ADARB2: variants seen among roughly 807,000 people sequenced by gnomAD.
ADARB2 encodes the protein adenosine deaminase RNA specific B2 (inactive).
In ADARB2, 25 loss-of-function variants were observed where a neutral mutation model predicts 62.2. The observed-to-expected ratio is 0.40, with a 90% CI of 0.29 to 0.56. The LOEUF is 0.56. Ranked by LOEUF, ADARB2 falls within the 20% of genes least tolerant of loss-of-function variation. The pLI is 0.43. For synonymous variants in ADARB2, 572 were observed against 500.8 expected, an observed-to-expected ratio of 1.14 and a Z score of -1.90; for missense variants, 1,071 against 1,077.4, an observed-to-expected ratio of 0.99 and a Z score of 0.08.
chr10:1,628,156 C>T (rs888919488), intron 1 of ADARB2, among the ~76,000 whole-genome samples: 13 of 152,210 alleles, frequency 8.5e-5, no homozygotes, highest in South Asian at 2.1e-4. Context: ...AGCAAACGGG[C>T]GGCGATGCAT....
At chr10:1,706,959 G>T (rs984608189) in intron 1 of ADARB2, among the ~76,000 whole-genome samples, 40 of 152,226 alleles carry the variant, frequency 2.6e-4, no homozygotes, top group Admixed American at 2.0e-3. Context: ...TTGGGCAAAG[G>T]GTTTCCCCGG....
At chr10:1,502,516 C>T (rs915621167) in intron 1 of ADARB2, among the ~76,000 whole-genome samples, 3 of 152,314 alleles carry the variant, frequency 2.0e-5, no homozygotes, top group South Asian at 2.1e-4. Context: ...ATCAGTGACA[C>T]GGCAACCCAT....
At chr10:1,687,304 C>A (rs533099093) in intron 1 of ADARB2, among the ~76,000 whole-genome samples, 77 of 152,300 alleles carry the variant, frequency 5.1e-4, no homozygotes, top group African/African-American at 1.8e-3. Context: ...GGGATTACAG[C>A]TGTGAGCCAC....
Position 1,363,156 on chromosome 10 carries a change from A to T in ADARB2, c.949T>A (p.Phe317Ile). 1 of 1,545,692 alleles carries T rather than the reference A, an allele frequency of 6.5e-7. No homozygotes were observed. Among genetic ancestry groups the T allele is most frequent in the Non-Finnish European group, 8.7e-7 (1 of 1,155,170 alleles). The stretch of plus-strand genomic sequence containing the variant: ...TTCTTGCTGCGCCCCGAGCCCTCGA[A>T]CGTCCTGCCGTCCACGCTCACGGCC... ...VMAVSVDGRTFEGSGRSKKLA... is the reference protein window; with the variant it reads ...VMAVSVDGRTIEGSGRSKKLA... The change falls in exon 3 of 10, where the codon TTC (phenylalanine) becomes ATC (isoleucine). Residue 317 changes from phenylalanine (F) to isoleucine (I), a missense_variant. Phe to Ile is a conservative substitution (Grantham distance 21, BLOSUM62 0). Transcript: ENST00000381312.
intron 1 of ADARB2, among the ~76,000 whole-genome samples, chr10:1,393,629 C>T (rs920309422): frequency 6.6e-5 from 10 of 152,312 alleles, no homozygotes; most frequent in South Asian, 4.2e-4. Context: ...GTTTTCACAG[C>T]GACTATGGTA....
At chr10:1,658,962 ACTGTGG>A (rs1352626069) in intron 1 of ADARB2, among the ~76,000 whole-genome samples, 1 of 152,206 alleles carries the variant, frequency 6.6e-6, no homozygotes. Flanking sequence ...TTTCCCAGAC[ACTGTGG>A]TTCTGTTCAA....
intron 6 of ADARB2, among the ~76,000 whole-genome samples, chr10:1,225,986 A>G (rs895340708): frequency 3.3e-5 from 5 of 152,054 alleles, no homozygotes; most frequent in African/African-American, 9.7e-5. Context: ...GTTCTCCTGG[A>G]TAATATCCTG....
At chr10:1,265,883 G>A (rs1329786838) in intron 4 of ADARB2, among the ~76,000 whole-genome samples, 1 of 111,934 alleles carries the variant, frequency 8.9e-6, no homozygotes, top group Admixed American at 8.2e-5. Context: ...CGGCCTGAGA[G>A]GGGGGCCCAG....
At chr10:1,319,975 C>T (rs1831781050) in intron 3 of ADARB2, among the ~76,000 whole-genome samples, 1 of 152,170 alleles carries the variant, frequency 6.6e-6, no homozygotes, top group Non-Finnish European at 1.5e-5. Flanking sequence ...AGGTGCAGCC[C>T]ACCAGCAGTG....
intron 1 of ADARB2, among the ~76,000 whole-genome samples, chr10:1,731,953 T>A (rs1046889960): frequency 6.6e-6 from 1 of 152,208 alleles, no homozygotes; most frequent in Non-Finnish European, 1.5e-5. Flanking sequence ...CTTTTAGAAA[T>A]CTTGTGAGCT....
intron 5 of ADARB2, among the ~76,000 whole-genome samples, chr10:1,234,246 C>T (rs1830841286): frequency 6.6e-6 from 1 of 152,106 alleles, no homozygotes; most frequent in African/African-American, 2.4e-5. Flanking sequence ...ACCTCAGTCT[C>T]CCGAAGTGCT....
At chr10:1,210,433 C>T (rs772235339) in intron 7 of ADARB2, among the ~76,000 whole-genome samples, 1 of 152,174 alleles carries the variant, frequency 6.6e-6, no homozygotes, top group Non-Finnish European at 1.5e-5. Context: ...GAGACTCGTG[C>T]TGTCTAGGAG....
At chr10:1,293,652 C>G (rs899963374) in intron 3 of ADARB2, among the ~76,000 whole-genome samples, 1 of 152,220 alleles carries the variant, frequency 6.6e-6, no homozygotes, top group Non-Finnish European at 1.5e-5. Flanking sequence ...CTACCTTTGA[C>G]AAAGCTTCCT....
At chr10:1,342,964 A>C (rs1384190079) in intron 3 of ADARB2, among the ~76,000 whole-genome samples, 1 of 152,254 alleles carries the variant, frequency 6.6e-6, no homozygotes, top group Non-Finnish European at 1.5e-5. Flanking sequence ...CTTCAACTTA[A>C]GAGACTTGTA....
intron 3 of ADARB2, among the ~76,000 whole-genome samples, chr10:1,281,310 C>T (rs369075947): frequency 1.1e-4 from 17 of 152,318 alleles, no homozygotes; most frequent in Admixed American, 2.0e-4. Context: ...CTCCTCCTCA[C>T]TGTTCTGCTG....
At chr10:1,505,149 G>A (rs1831824872) in intron 1 of ADARB2, among the ~76,000 whole-genome samples, 1 of 151,174 alleles carries the variant, frequency 6.6e-6, no homozygotes, top group African/African-American at 2.4e-5. Flanking sequence ...CAGACACACT[G>A]ATACACGCAA....
chr10:1,508,075 G>A lies in ADARB2; in HGVS notation c.101-128915C>T, dbSNP rs182408819. On this transcript the variant is annotated intron_variant, in intron 1 of 9. Transcript: ENST00000381312. ...GGAGATCACACAATTCCCGAGTGGT[G>A]CGTTCATCAGGAAGGTCAAGTGAGG... Among the ~76,000 whole-genome samples the A allele has an allele frequency of 2.7e-3, 416 of 152,296 alleles. 5 individuals carry two copies. Among genetic ancestry groups the A allele is most frequent in the African/African-American group, 9.0e-3 (374 of 41,566 alleles).
At chr10:1,345,942 C>T (rs929306289) in intron 3 of ADARB2, among the ~76,000 whole-genome samples, 18 of 152,190 alleles carry the variant, frequency 1.2e-4, no homozygotes, top group African/African-American at 3.6e-4. Context: ...TTTCATTTTA[C>T]TAAAATCATC....
At position 1,200,054 on chromosome 10, in the gene ADARB2, C is replaced by A. The variant is rs373932020; in HGVS notation, c.1776G>T (p.Thr592=). Residue 592 remains threonine (T), a synonymous_variant, in exon 8 of 10, where the codon ACG becomes ACT. Transcript: ENST00000381312. ...GGCTCATGACGCGTGCGAGGTGGCC[C>A]GTGTGGTGCAGGCTGCCCACCACGA... ...QSIVVGSLHH[T]GHLARVMSHR... is the part of the protein sequence containing the mutation. 1 of 1,593,852 alleles carries A rather than the reference C, an allele frequency of 6.3e-7. No homozygotes were observed. The highest frequency in any genetic ancestry group is 8.5e-7 in the Non-Finnish European group (1 of 1,173,936).
Sources: allele counts gnomAD v4.1 joint callset (sites outside exome capture counted in the v4.1 genomes callset), GRCh38; gene constraint gnomAD v4.1.1; transcripts MANE v1.5; gene names NCBI Gene and HGNC (gene_info 2026-07-23, HGNC 2026-07-21).